The following STXBP4 variants were observed in gnomAD, a reference collection of about 807,000 sequenced individuals.
STXBP4 encodes syntaxin-binding protein 4.
In STXBP4, 55 loss-of-function variants were observed where a neutral mutation model predicts 76.1. That is an observed-to-expected ratio of 0.72 (90% CI 0.58 to 0.91). The LOEUF is 0.91. Ranked by LOEUF, STXBP4 falls within the 40% of genes least tolerant of loss-of-function variation. The pLI is 0.00. For missense variants in STXBP4, 618 were observed against 636.9 expected (o/e 0.97, Z 0.32); for synonymous variants, 201 against 220.2 (o/e 0.91, Z 0.77).
At chr17:55,085,000 A>G (rs1037752733) in intron 16 of STXBP4, among the ~76,000 whole-genome samples, 6 of 152,210 alleles carry the variant, frequency 3.9e-5, no homozygotes, top group Non-Finnish European at 8.8e-5. Context: ...AAAATGTGGC[A>G]CATACACACC....
the STXBP4 span, among the ~76,000 whole-genome samples, chr17:55,211,880 G>T: frequency 2.5e-5 from 3 of 121,140 alleles, no homozygotes; most frequent in Non-Finnish European, 4.8e-5. Flanking sequence ...GTGCGATCTT[G>T]GCTCGCTGCA....
intron 1 of STXBP4, among the ~76,000 whole-genome samples, chr17:54,972,286 A>ATT: frequency 6.6e-6 from 1 of 152,050 alleles, no homozygotes; most frequent in Non-Finnish European, 1.5e-5. Context: ...TTCTCATCAT[A>ATT]TTTTCTCCTG....
rs755979690 is a variant in STXBP4, at chr17:55,078,109, T to C, written c.1220T>C (p.Met407Thr). 1.1e-5 allele frequency: 18 copies of C among 1,611,132 alleles called. No individual in the cohort carries two copies. In the East Asian group the frequency reaches 1.1e-4, roughly 10 times the overall value. ...ESVQDLKKRI[M>T]VLDCQLRKSE... The stretch of plus-strand genomic sequence containing the variant: ...GTTCAGGATTTAAAAAAGAGAATCA[T>C]GGTACTCGACTGCCAATTACGAAAA... Residue 407 changes from methionine (M) to threonine (T), a missense_variant, in exon 14 of 18, where the codon ATG becomes ACG. Coordinates refer to ENST00000376352, the MANE Select transcript of STXBP4 (RefSeq NM_178509.6).
At chr17:55,202,831 A>G in the STXBP4 span, among the ~76,000 whole-genome samples, 1 of 152,168 alleles carries the variant, frequency 6.6e-6, no homozygotes, top group Non-Finnish European at 1.5e-5. Flanking sequence ...AGCTGGGTAC[A>G]TGCTTCAAGG....
At chr17:55,074,148 T>G (rs2079153802) in intron 13 of STXBP4, among the ~76,000 whole-genome samples, 1 of 152,196 alleles carries the variant, frequency 6.6e-6, no homozygotes, top group South Asian at 2.1e-4. Flanking sequence ...AAAGAAAATC[T>G]GAATAATTTA....
intron 16 of STXBP4, among the ~76,000 whole-genome samples, chr17:55,088,086 T>C (rs1192030008): frequency 1.3e-5 from 2 of 152,232 alleles, no homozygotes; most frequent in Admixed American, 1.3e-4. Context: ...GTACTTTTTA[T>C]AAATTTGTAT....
intron 12 of STXBP4, among the ~76,000 whole-genome samples, chr17:55,064,215 A>G (rs1216683691): frequency 6.6e-6 from 1 of 152,176 alleles, no homozygotes; most frequent in African/African-American, 2.4e-5. Flanking sequence ...GTCTGTAACC[A>G]TGGATTTGAA....
chr17:54,998,639 G>T (rs1407374505), intron 4 of STXBP4, among the ~76,000 whole-genome samples: 1 of 152,116 alleles, frequency 6.6e-6, no homozygotes, highest in Non-Finnish European at 1.5e-5. Flanking sequence ...ATCATAGGGG[G>T]ATAGCAGGTA....
chr17:55,147,243 G>A (rs1410528379), intron 17 of STXBP4, among the ~76,000 whole-genome samples: 2 of 152,178 alleles, frequency 1.3e-5, no homozygotes, highest in African/African-American at 4.8e-5. Context: ...TAGGGGGACG[G>A]TTTCAGGATG....
chr17:55,213,224 C>T, the STXBP4 span, among the ~76,000 whole-genome samples: 3 of 152,122 alleles, frequency 2.0e-5, no homozygotes, highest in Middle Eastern at 3.2e-3. Flanking sequence ...CACAAGAAGA[C>T]TTGAACAGGT....
rs186621181 is a variant in STXBP4, at chr17:55,159,959, G to A, written c.*48G>A. The A allele has an allele frequency of 3.6e-4, 415 of 1,164,312 alleles. 5 individuals carry two copies. In the South Asian group the frequency reaches 4.2e-3, roughly 12 times the overall value. The allele number at this position is 1,164,312 out of a possible 1,614,324, so 72.1% of individuals were successfully genotyped here. On this transcript the variant is annotated 3_prime_UTR_variant, in exon 18 of 18. Transcript: ENST00000376352. ...CTACATGGATGATGTGAGCAGAGAC[G>A]CATAACATCCAATTCTGAGATGAAA... is the stretch of plus-strand genomic sequence containing the variant.
At chr17:55,091,359 T>C (rs942736566) in intron 16 of STXBP4, among the ~76,000 whole-genome samples, 1 of 152,202 alleles carries the variant, frequency 6.6e-6, no homozygotes, top group South Asian at 2.1e-4. Flanking sequence ...GTTACTATTT[T>C]TTTTGCAAAA....
chr17:55,091,149 G>C (rs188991886), intron 16 of STXBP4, among the ~76,000 whole-genome samples: 1 of 152,166 alleles, frequency 6.6e-6, no homozygotes, highest in Non-Finnish European at 1.5e-5. Context: ...TCCAGTTTAT[G>C]AGCCATCTGG....
intron 12 of STXBP4, among the ~76,000 whole-genome samples, chr17:55,050,759 C>A (rs1285520017): frequency 6.6e-6 from 1 of 152,152 alleles, no homozygotes; most frequent in Non-Finnish European, 1.5e-5. Flanking sequence ...CCTCCACCTC[C>A]CGGGTACAAG....
At chr17:55,122,079 CTAA>C (rs2079850619) in intron 16 of STXBP4, among the ~76,000 whole-genome samples, 1 of 152,162 alleles carries the variant, frequency 6.6e-6, no homozygotes, top group South Asian at 2.1e-4. Flanking sequence ...TCATTCCTAA[CTAA>C]TATGCCACAT....
At chr17:55,085,222 G>A (rs920703172) in intron 16 of STXBP4, among the ~76,000 whole-genome samples, 1 of 152,070 alleles carries the variant, frequency 6.6e-6, no homozygotes, top group Admixed American at 6.6e-5. Flanking sequence ...GTGGGTGGAG[G>A]GGGGAGGGAT....
chr17:55,024,193 C>G (rs1333575098), intron 8 of STXBP4, among the ~76,000 whole-genome samples: 2 of 152,194 alleles, frequency 1.3e-5, no homozygotes, highest in Admixed American at 1.3e-4. Flanking sequence ...GTGATACTCA[C>G]GGGATTGTAA....
chr17:55,173,812 A>G (rs1250584856), downstream of STXBP4, among the ~76,000 whole-genome samples: 2 of 152,214 alleles, frequency 1.3e-5, no homozygotes, highest in Non-Finnish European at 2.9e-5. Flanking sequence ...AAAGGTCTTA[A>G]TGGGCTAAAT....
intron 16 of STXBP4, among the ~76,000 whole-genome samples, chr17:55,111,961 G>A (rs1012456873): frequency 2.0e-5 from 3 of 152,056 alleles, no homozygotes; most frequent in Non-Finnish European, 4.4e-5. Flanking sequence ...TGTCACCCAG[G>A]CTGCAGTGCA....
Sources: allele counts gnomAD v4.1 joint callset (sites outside exome capture counted in the v4.1 genomes callset), GRCh38; gene constraint gnomAD v4.1.1; transcripts MANE v1.5; gene names NCBI Gene and HGNC (gene_info 2026-07-23, HGNC 2026-07-21).